The following NID1 variants were observed in gnomAD, a reference collection of about 807,000 sequenced individuals.
NID1 encodes nidogen 1.
In NID1, 76 loss-of-function variants were observed where a neutral mutation model predicts 130.6. The ratio of observed to expected loss-of-function variants is 0.58; its 90% CI spans 0.48 to 0.70. NID1 has a LOEUF of 0.70. Ranked by LOEUF, NID1 falls within the 30% of genes least tolerant of loss-of-function variation. The pLI is 0.00. For missense variants in NID1, 1,517 were observed against 1,664.8 expected (o/e 0.91, Z 1.54); for synonymous variants, 665 against 675.1 (o/e 0.98, Z 0.23).
At chr1:235,993,592 TC>T (rs1657827324) in intron 13 of NID1, 52 bp downstream of exon 13, 11 of 1,424,498 alleles carry the variant, frequency 7.7e-6, no homozygotes, top group Non-Finnish European at 9.4e-6. Context: ...GCAATTCCGG[TC>T]CCCCGAGGTC....
At position 236,065,061 on chromosome 1, in the gene NID1, G is replaced by T; in HGVS notation, c.19C>A (p.Arg7=). 6.4e-7 allele frequency: 1 copy of T among 1,550,868 alleles called. No individual in the cohort carries two copies. Among genetic ancestry groups the T allele is most frequent in the Non-Finnish European group, 8.7e-7 (1 of 1,147,140 alleles). Residue 7 remains arginine (R), a synonymous_variant, in exon 1 of 20, where the codon CGG becomes AGG. Transcript: ENST00000264187. The surrounding 1 kb of genome is among the most constrained non-coding windows in gnomAD (Gnocchi z 4.1). ...GCCCGCGTCCACGCAGCCCGGATCC[G>T]GCTGCTCGAGGCCAACATGTTCCCG... MLASSS[R]IRAAWTRALL...
At chr1:236,043,024 G>A (rs1230051398) in intron 3 of NID1, among the ~76,000 whole-genome samples, 1 of 152,142 alleles carries the variant, frequency 6.6e-6, no homozygotes, top group Non-Finnish European at 1.5e-5. Context: ...AAAATGATGG[G>A]GTTCAGAGAG....
intron 1 of NID1, among the ~76,000 whole-genome samples, chr1:236,050,621 G>C (rs967052400): frequency 1.6e-4 from 24 of 152,070 alleles, no homozygotes; most frequent in African/African-American, 5.1e-4. Flanking sequence ...AATGGGAAGA[G>C]GGCCCCTGAG....
chr1:236,009,658 A>G (rs1457663167), intron 12 of NID1, among the ~76,000 whole-genome samples: 2 of 152,254 alleles, frequency 1.3e-5, no homozygotes, highest in Non-Finnish European at 2.9e-5. Flanking sequence ...TTTGCTCAAC[A>G]TTACGCTTTT....
At chr1:236,052,410 C>T (rs1038761821) in intron 1 of NID1, among the ~76,000 whole-genome samples, 1 of 152,190 alleles carries the variant, frequency 6.6e-6, no homozygotes, top group African/African-American at 2.4e-5. Context: ...GCCGGGGAGT[C>T]CTCGGGCCCA....
intron 1 of NID1, among the ~76,000 whole-genome samples, chr1:236,057,998 A>G (rs1432863033): frequency 6.6e-6 from 1 of 152,122 alleles, no homozygotes; most frequent in African/African-American, 2.4e-5. Context: ...TCCTTGCTGT[A>G]TTGATCATAT....
intron 1 of NID1, among the ~76,000 whole-genome samples, chr1:236,057,659 C>T (rs1659931754): frequency 6.7e-6 from 1 of 150,140 alleles, no homozygotes; most frequent in East Asian, 2.0e-4. Flanking sequence ...AATCTCGCCA[C>T]TGCACTCCAG....
chr1:236,015,647 C>CA (rs71559908), intron 10 of NID1, among the ~76,000 whole-genome samples: 9,844 of 79,900 alleles, frequency 0.12, 900 homozygotes, highest in South Asian at 0.3. Flanking sequence ...AACCCTGTCT[C>CA]AAAAAAAAAA....
chr1:236,012,576 A>AG (rs1199280974), intron 11 of NID1, among the ~76,000 whole-genome samples: 58 of 148,548 alleles, frequency 3.9e-4, no homozygotes, highest in Non-Finnish European at 6.4e-4. Flanking sequence ...AAAAAAAAAA[A>AG]AAAAAGAAAG....
At position 236,026,059 on chromosome 1, in the gene NID1, G is replaced by A. The variant is rs1325553058; in HGVS notation, c.1821C>T (p.Tyr607=). 3.1e-6 allele frequency: 5 copies of A among 1,613,968 alleles called. No individual in the cohort carries two copies. The East Asian group carries it at 6.7e-5, about 22-fold the overall frequency. ...GGAAGGTGATGGTCTGGCGCCACTG[G>A]TAAGTGTAGATGCGTGAAGGAGATG... ...DGASPSRIYT[Y]QWRQTITFQE... is the part of the protein sequence containing the mutation. Residue 607 remains tyrosine, a synonymous_variant, in exon 8 of 20, where the codon TAC becomes TAT. Coordinates refer to ENST00000264187, the MANE Select transcript of NID1 (RefSeq NM_002508.3).
intron 12 of NID1, among the ~76,000 whole-genome samples, chr1:235,999,689 G>A (rs1425814388): frequency 6.6e-6 from 1 of 152,102 alleles, no homozygotes; most frequent in Non-Finnish European, 1.5e-5. Context: ...TCTGAGGAGT[G>A]GCAGGAAGTC....
intron 13 of NID1, among the ~76,000 whole-genome samples, chr1:235,992,492 C>T (rs1423609113): frequency 6.6e-6 from 1 of 152,202 alleles, no homozygotes; most frequent in African/African-American, 2.4e-5. Context: ...ATGACCAATA[C>T]TCAGGCTTAG....
rs1362510324 is a variant in NID1 at position 236,012,017 on chromosome 1, A to G, written c.2431T>C (p.Cys811Arg). The change falls in exon 12 of 20, where the codon TGT becomes CGT. Residue 811 changes from cysteine to arginine, a missense_variant. Transcript: ENST00000264187. Reference protein sequence around the residue: ...QDVDECQPSRCHPDAFCYNTP... With the variant: ...QDVDECQPSRRHPDAFCYNTP... The stretch of plus-strand genomic sequence containing the variant: ...TTGTAGCAGAAGGCGTCAGGGTGAC[A>G]TCGGCTTGGCTGGCATTCATCTACA... 6.2e-7 allele frequency: 1 copy of G among 1,614,074 alleles called. No homozygotes were observed.
chr1:236,002,611 A>C (rs1019494486), intron 12 of NID1, among the ~76,000 whole-genome samples: 1 of 152,236 alleles, frequency 6.6e-6, no homozygotes, highest in African/African-American at 2.4e-5. Flanking sequence ...CGGACTTAAG[A>C]CAAGAGCTTT....
intron 7 of NID1, among the ~76,000 whole-genome samples, chr1:236,028,693 T>C (rs1239512636): frequency 6.6e-6 from 1 of 151,696 alleles, no homozygotes; most frequent in Non-Finnish European, 1.5e-5. Context: ...TATACATATA[T>C]ATATATATAT....
At chr1:236,029,806 C>A in intron 6 of NID1, 56 bp from the exon 7 acceptor site, 2 of 1,564,248 alleles carry the variant, frequency 1.3e-6, no homozygotes, top group Middle Eastern at 1.7e-4. Flanking sequence ...CCCTTCTGCC[C>A]GCCCCAGGCT....
At chr1:236,026,935 T>A (rs907576159) in intron 7 of NID1, among the ~76,000 whole-genome samples, 2 of 152,068 alleles carry the variant, frequency 1.3e-5, no homozygotes, top group African/African-American at 4.8e-5. Flanking sequence ...GAGACGGGGT[T>A]TCACCATGTT....
intron 6 of NID1, among the ~76,000 whole-genome samples, chr1:236,031,053 GA>G (rs1419611238): frequency 1.3e-5 from 2 of 152,058 alleles, no homozygotes; most frequent in African/African-American, 4.8e-5. Context: ...TGTGGACTAG[GA>G]AGAAAAAACA....
chr1:236,046,158 C>G (rs746467077), intron 2 of NID1, among the ~76,000 whole-genome samples: 18 of 152,192 alleles, frequency 1.2e-4, no homozygotes, highest in Non-Finnish European at 2.1e-4. Flanking sequence ...AATCTTTGCT[C>G]TACTCATTAT....
Sources: gnomAD v4.1 joint callset for allele counts (sites outside exome capture counted in the v4.1 genomes callset) on GRCh38, gnomAD v4.1.1 for gene constraint, Gnocchi (gnomAD v3.1) non-coding constraint, MANE v1.5 for transcripts, NCBI Gene and HGNC (gene_info 2026-07-23, HGNC 2026-07-21) for gene names.